PAK1: variants seen among roughly 807,000 people sequenced by gnomAD.
PAK1 encodes p21 (RAC1) activated kinase 1.
Under a neutral mutation model 67.4 loss-of-function variants are expected in PAK1, and 29 were observed. The ratio of observed to expected loss-of-function variants is 0.43; its 90% confidence interval spans 0.32 to 0.59. The LOEUF is 0.59. Among genes scored for constraint, PAK1 ranks in the 20% least tolerant of loss-of-function variants. The probability of loss-of-function intolerance (pLI) is 0.07; values close to 1 mark genes in which losing one functional copy is unlikely to be tolerated. For missense variants in PAK1, 337 were observed against 670.7 expected (o/e 0.50, Z 5.50); for synonymous variants, 223 against 237.4 (o/e 0.94, Z 0.56).
upstream of PAK1, among the ~76,000 whole-genome samples, chr11:77,477,787 A>G (rs1958075475): frequency 6.6e-6 from 1 of 151,780 alleles, no homozygotes; most frequent in African/African-American, 2.4e-5. Flanking sequence ...GGCTGGGCAC[A>G]GTGATTCATG....
intron 1 of PAK1, among the ~76,000 whole-genome samples, chr11:77,428,408 A>G (rs1955669669): frequency 6.6e-6 from 1 of 151,894 alleles, no homozygotes; most frequent in Admixed American, 6.6e-5. Context: ...CTAAAAATAC[A>G]AAAAAAGAAA....
At chr11:77,347,665 T>TA (rs1944635093) in intron 9 of PAK1, among the ~76,000 whole-genome samples, 1 of 152,220 alleles carries the variant, frequency 6.6e-6, no homozygotes, top group Non-Finnish European at 1.5e-5. Flanking sequence ...TATGGTCTCT[T>TA]ACATTTACAT....
intron 2 of PAK1, among the ~76,000 whole-genome samples, chr11:77,387,065 C>G (rs916453772): frequency 6.8e-6 from 1 of 146,732 alleles, no homozygotes. Flanking sequence ...TGAGCCACCA[C>G]GCCCAGCCTT....
chr11:77,512,979 C>T, the PAK1 span, among the ~76,000 whole-genome samples: 2 of 151,866 alleles, frequency 1.3e-5, no homozygotes, highest in Admixed American at 6.6e-5. Context: ...CTGTAGTCCC[C>T]GCTACTTGGG....
At chr11:77,426,999 T>G (rs567187257) in intron 1 of PAK1, among the ~76,000 whole-genome samples, 5 of 152,318 alleles carry the variant, frequency 3.3e-5, no homozygotes, top group African/African-American at 1.2e-4. Flanking sequence ...GATGCTGCTA[T>G]GGCTGGAGCA....
intron 1 of PAK1, among the ~76,000 whole-genome samples, chr11:77,452,198 T>C (rs538201815): frequency 2.0e-5 from 3 of 152,348 alleles, no homozygotes; most frequent in South Asian, 4.1e-4. Flanking sequence ...ATGATAACGC[T>C]GTGAGGCAGA....
At chr11:77,379,093 C>T (rs1949485036) in intron 4 of PAK1, 148 bp downstream of exon 4, 1 of 658,780 alleles carries the variant, frequency 1.5e-6, no homozygotes, top group South Asian at 2.1e-5. Context: ...ATCATCTTGG[C>T]TGTCAAATTC....
At chr11:77,369,016 T>C (rs1170010483) in intron 5 of PAK1, among the ~76,000 whole-genome samples, 1 of 152,212 alleles carries the variant, frequency 6.6e-6, no homozygotes, top group African/African-American at 2.4e-5. Flanking sequence ...CACCTTATAG[T>C]TAAATGTTAG....
Position 77,351,880 on chromosome 11 carries a change from A to ATTT in PAK1, c.836+1653_836+1655dup, listed in dbSNP as rs11389420. Among the ~76,000 whole-genome samples the ATTT allele has an allele frequency of 1.8e-3, 273 of 148,940 alleles. 1 individual carries two copies. Among genetic ancestry groups the ATTT allele is most frequent in the African/African-American group, 4.7e-3 (190 of 40,796 alleles). ...CTTTTGGTGGGTCTTTAGAAATCTCATTTTTTTTTTATAGAGAGGTATAAC... is the reference window on the plus strand; with the variant it reads ...CTTTTGGTGGGTCTTTAGAAATCTCATTTTTTTTTTTTTATAGAGAGGTATAAC... On this transcript the variant is annotated intron_variant, in intron 8 of 14. Coordinates refer to ENST00000356341, the MANE Select transcript of PAK1 (RefSeq NM_002576.5).
intron 6 of PAK1, chr11:77,356,174 A>G (rs1946015339): frequency 5.2e-6 from 1 of 190,560 alleles, no homozygotes; most frequent in Non-Finnish European, 1.1e-5. Context: ...TCCCCAAGCT[A>G]AAAGAAATAT....
At chr11:77,392,124 C>T (rs1324875860) in intron 2 of PAK1, among the ~76,000 whole-genome samples, 2 of 152,144 alleles carry the variant, frequency 1.3e-5, no homozygotes, top group Non-Finnish European at 2.9e-5. Context: ...TATTCTCTTA[C>T]AGTTTTGCTC....
the PAK1 span, among the ~76,000 whole-genome samples, chr11:77,520,360 G>A: frequency 6.6e-6 from 1 of 152,174 alleles, no homozygotes; most frequent in Non-Finnish European, 1.5e-5. Context: ...CCAGTTGCAT[G>A]ACCATTTAGA....
intron 1 of PAK1, among the ~76,000 whole-genome samples, chr11:77,441,497 G>C (rs1171194750): frequency 6.6e-6 from 1 of 152,152 alleles, no homozygotes; most frequent in Non-Finnish European, 1.5e-5. Flanking sequence ...ACGAAAAGTA[G>C]AGCTTCTCTG....
At position 77,369,960 on chromosome 11, in the gene PAK1, T is replaced by C. The variant is rs117934430; in HGVS notation, c.477+4368A>G. ...TCTTTAATGTTGTGTTTCTCTCAAA[T>C]GTCTGCAGATCCTTAGCTATTCATT... On this transcript the variant is annotated intron_variant, in intron 5 of 14. Coordinates refer to ENST00000356341, the MANE Select transcript of PAK1 (RefSeq NM_002576.5). Among the ~76,000 whole-genome samples the C allele has an allele frequency of 6.0e-3, 916 of 152,334 alleles. 23 individuals are homozygous for C. The highest frequency in any genetic ancestry group is 0.04 in the Admixed American group (613 of 15,294).
At chr11:77,327,746 C>G (rs1290908884) in intron 14 of PAK1, among the ~76,000 whole-genome samples, 1 of 152,170 alleles carries the variant, frequency 6.6e-6, no homozygotes, top group Non-Finnish European at 1.5e-5. Context: ...AAATAACCAG[C>G]TAACATCATA....
the PAK1 span, among the ~76,000 whole-genome samples, chr11:77,504,912 A>T: frequency 6.6e-6 from 1 of 152,214 alleles, no homozygotes; most frequent in African/African-American, 2.4e-5. Flanking sequence ...TGTGTGAGGG[A>T]AATTTGCCTA....
At chr11:77,422,415 G>A (rs751862218) in intron 1 of PAK1, among the ~76,000 whole-genome samples, 19 of 152,102 alleles carry the variant, frequency 1.2e-4, no homozygotes, top group Non-Finnish European at 2.5e-4. Context: ...ACAAAACTTA[G>A]CCAGGCATGG....
the PAK1 span, among the ~76,000 whole-genome samples, chr11:77,481,188 A>G: frequency 6.6e-6 from 1 of 152,218 alleles, no homozygotes; most frequent in African/African-American, 2.4e-5. Flanking sequence ...TATATCAAGT[A>G]TATTAACTAC....
chr11:77,359,127 T>C (rs1946437172), intron 5 of PAK1, 110 bp from the exon 6 acceptor site: 1 of 940,440 alleles, frequency 1.1e-6, no homozygotes, highest in African/African-American at 1.6e-5. Flanking sequence ...CCTTCTGAAA[T>C]ACACATTAGC....
Sources: gnomAD v4.1 joint callset for allele counts (sites outside exome capture counted in the v4.1 genomes callset) on GRCh38, gnomAD v4.1.1 for gene constraint, MANE v1.5 for transcripts, NCBI Gene and HGNC (gene_info 2026-07-23, HGNC 2026-07-21) for gene names.